The following ROR2 variants were observed in gnomAD, a reference collection of about 807,000 sequenced individuals.
ROR2 encodes ROR family WNT receptor 2.
A neutral mutation model predicts 74.9 loss-of-function variants in ROR2; 33 were observed. The observed-to-expected ratio is 0.44, with a 90% CI of 0.33 to 0.59. The LOEUF is 0.59. Ranked by LOEUF, ROR2 falls within the 20% of genes least tolerant of loss-of-function variation. ROR2 has a pLI of 0.02. For synonymous variants in ROR2, 586 were observed against 558.7 expected (o/e 1.05, Z -0.69); for missense variants, 1,216 against 1,313.8 (o/e 0.93, Z 1.15).
intron 1 of ROR2, among the ~76,000 whole-genome samples, chr9:91,824,627 A>C (rs961722476): frequency 1.3e-5 from 2 of 152,080 alleles, no homozygotes; most frequent in Non-Finnish European, 2.9e-5. Context: ...GCACACCAAA[A>C]ATGTTCCCAG....
chr9:91,944,903 A>G (rs1831972403), intron 1 of ROR2, among the ~76,000 whole-genome samples: 1 of 152,086 alleles, frequency 6.6e-6, no homozygotes, highest in South Asian at 2.1e-4. Flanking sequence ...AAAAAATCAA[A>G]GAATTAGCCA....
chr9:91,812,571 CA>C (rs1827797052), intron 1 of ROR2, among the ~76,000 whole-genome samples: 1 of 147,486 alleles, frequency 6.8e-6, no homozygotes, highest in Non-Finnish European at 1.5e-5. Context: ...CCACCCCCCC[CA>C]CACACACGTG....
At chr9:91,752,024 C>T (rs886327234) in intron 4 of ROR2, among the ~76,000 whole-genome samples, 1 of 152,106 alleles carries the variant, frequency 6.6e-6, no homozygotes, top group Non-Finnish European at 1.5e-5. Flanking sequence ...TTTCAAGAGG[C>T]TGGAATGATA....
chr9:91,935,158 C>T (rs1363292742), intron 1 of ROR2, among the ~76,000 whole-genome samples: 1 of 152,162 alleles, frequency 6.6e-6, no homozygotes. Flanking sequence ...CCCAAATATG[C>T]TCATTGCAAA....
At position 91,724,110 on chromosome 9, in the gene ROR2, G is replaced by C; in HGVS notation, c.2384C>G (p.Pro795Arg). ...RYVGPKQKAP[P>R]FPQPQFIPMK... Reference sequence around the variant, plus strand: ...GGGGATGAACTGGGGCTGTGGGAAGGGCGGGGCCTTCTGCTTGGGCCCCAC... The same window carrying C: ...GGGGATGAACTGGGGCTGTGGGAAGCGCGGGGCCTTCTGCTTGGGCCCCAC... The change falls in exon 9 of 9, where the codon CCC becomes CGC. Residue 795 changes from proline to arginine, a missense_variant. Coordinates refer to ENST00000375708, the MANE Select transcript of ROR2 (RefSeq NM_004560.4). 6.2e-7 allele frequency: 1 copy of C among 1,610,976 alleles called. No homozygotes were observed. The highest frequency in any genetic ancestry group is 8.5e-7 in the Non-Finnish European group (1 of 1,179,966).
At chr9:91,766,343 G>T (rs1413877948) in intron 2 of ROR2, among the ~76,000 whole-genome samples, 2 of 152,160 alleles carry the variant, frequency 1.3e-5, no homozygotes, top group African/African-American at 4.8e-5. Context: ...CTTCTGCTGC[G>T]GCAGCCCAGG....
At chr9:91,830,503 G>A (rs1374788087) in intron 1 of ROR2, among the ~76,000 whole-genome samples, 1 of 152,202 alleles carries the variant, frequency 6.6e-6, no homozygotes, top group Middle Eastern at 3.4e-3. Flanking sequence ...AGCTATGTCT[G>A]TACAATAACA....
chr9:91,944,852 G>T (rs1463784377), intron 1 of ROR2, among the ~76,000 whole-genome samples: 1 of 152,048 alleles, frequency 6.6e-6, no homozygotes, highest in African/African-American at 2.4e-5. Flanking sequence ...AGGAGTTCAA[G>T]ACCAGCCTGG....
At chr9:91,841,952 C>A (rs1466500453) in intron 1 of ROR2, among the ~76,000 whole-genome samples, 1 of 152,178 alleles carries the variant, frequency 6.6e-6, no homozygotes, top group Non-Finnish European at 1.5e-5. Flanking sequence ...AATGCCTTAC[C>A]CAAGGCCAAG....
At chr9:91,838,089 G>A (rs959065877) in intron 1 of ROR2, among the ~76,000 whole-genome samples, 2 of 152,190 alleles carry the variant, frequency 1.3e-5, no homozygotes, top group Non-Finnish European at 2.9e-5. Context: ...GGGATTTACA[G>A]TTTATTAGGC....
intron 1 of ROR2, among the ~76,000 whole-genome samples, chr9:91,924,548 C>T (rs1037984433): frequency 7.2e-5 from 11 of 152,228 alleles, no homozygotes; most frequent in African/African-American, 2.7e-4. Context: ...AATCCCAGCA[C>T]TTTGGGAGGC....
chr9:91,856,716 C>T (rs1332246424), intron 1 of ROR2, among the ~76,000 whole-genome samples: 3 of 152,210 alleles, frequency 2.0e-5, no homozygotes, highest in Non-Finnish European at 4.4e-5. Flanking sequence ...GCTGCCCAGT[C>T]TGGGGTACTT....
At chr9:91,729,657 A>T (rs927396237) in intron 7 of ROR2, among the ~76,000 whole-genome samples, 1 of 152,062 alleles carries the variant, frequency 6.6e-6, no homozygotes, top group African/African-American at 2.4e-5. Context: ...CTCATTCACC[A>T]ATTGCTGCTT....
chr9:91,829,964 T>C (rs992766870), intron 1 of ROR2, among the ~76,000 whole-genome samples: 19 of 152,354 alleles, frequency 1.2e-4, no homozygotes, highest in African/African-American at 4.6e-4. Flanking sequence ...ACAAATCACA[T>C]ATTTCATCTG....
intron 1 of ROR2, among the ~76,000 whole-genome samples, chr9:91,940,042 C>T (rs1259720928): frequency 2.6e-5 from 4 of 152,218 alleles, no homozygotes; most frequent in African/African-American, 9.6e-5. Flanking sequence ...ACCCAGAGGG[C>T]CACAGCCTAT....
At chr9:91,877,574 G>T (rs1806683637) in intron 1 of ROR2, among the ~76,000 whole-genome samples, 2 of 152,234 alleles carry the variant, frequency 1.3e-5, no homozygotes, top group Admixed American at 6.5e-5. Context: ...ATATTTAGGA[G>T]ACATATTAGG....
At chr9:91,849,839 T>C (rs1417861937) in intron 1 of ROR2, among the ~76,000 whole-genome samples, 1 of 152,254 alleles carries the variant, frequency 6.6e-6, no homozygotes, top group Admixed American at 6.5e-5. Context: ...AACATGTTGT[T>C]TGGCCTAAAT....
intron 1 of ROR2, among the ~76,000 whole-genome samples, chr9:91,933,231 G>A (rs3932420): frequency 0.21 from 32,509 of 151,946 alleles, 3,529 homozygotes; most frequent in Admixed American, 0.28. Flanking sequence ...CAGAAGAATC[G>A]CTTGAACCCA....
intron 1 of ROR2, among the ~76,000 whole-genome samples, chr9:91,859,844 CAA>C (rs1829416627): frequency 1.3e-5 from 2 of 152,088 alleles, no homozygotes; most frequent in Non-Finnish European, 2.9e-5. Flanking sequence ...AACAAACAAA[CAA>C]AACCATGTGT....
Sources: allele counts gnomAD v4.1 joint callset (sites outside exome capture counted in the v4.1 genomes callset), GRCh38; gene constraint gnomAD v4.1.1; transcripts MANE v1.5; gene names NCBI Gene and HGNC (gene_info 2026-07-23, HGNC 2026-07-21).